Variants in DGCR2 observed in about 807,000 individuals in gnomAD.
The protein encoded by DGCR2 is DiGeorge syndrome critical region gene 2.
In DGCR2, 24 loss-of-function variants were observed where a neutral mutation model predicts 51.6. The observed-to-expected ratio is 0.47, with a 90% CI of 0.34 to 0.65. The LOEUF (loss-of-function observed/expected upper bound fraction) is 0.65, where lower values mean the gene tolerates loss of function less well. DGCR2 is among the 30% of genes least tolerant of loss of function. DGCR2 has a pLI of 0.01. For synonymous variants in DGCR2, 340 were observed against 315.4 expected (o/e 1.08, Z -0.82); for missense variants, 765 against 772.1 (o/e 0.99, Z 0.11).
At chr22:19,063,309 T>G in intron 4 of DGCR2, 31 bp from the exon 5 acceptor site, 1 of 1,600,830 alleles carries the variant, frequency 6.2e-7, no homozygotes, top group Non-Finnish European at 8.6e-7. Flanking sequence ...GACAGAGATC[T>G]CAGCGGCAGG....
chr22:19,063,566 G>C (rs908546847), intron 4 of DGCR2, among the ~76,000 whole-genome samples: 1 of 150,370 alleles, frequency 6.7e-6, no homozygotes, highest in Non-Finnish European at 1.5e-5. Context: ...GGCCAGGATG[G>C]TCTCGATCTC....
chr22:19,066,340 T>G (rs1256758267), intron 3 of DGCR2, among the ~76,000 whole-genome samples: 1 of 151,828 alleles, frequency 6.6e-6, no homozygotes, highest in Admixed American at 6.6e-5. Context: ...AGGCAGAGAC[T>G]GCCTGCAGTG....
intron 2 of DGCR2, among the ~76,000 whole-genome samples, chr22:19,083,541 G>A (rs2082965367): frequency 6.6e-6 from 1 of 152,036 alleles, no homozygotes; most frequent in South Asian, 2.1e-4. Context: ...TAAAAGATTC[G>A]GTCTTCCTAG....
intron 1 of DGCR2, chr22:19,121,712 AC>A (rs2083434630): frequency 6.4e-6 from 1 of 155,672 alleles, no homozygotes; most frequent in Non-Finnish European, 1.4e-5. Context: ...GACAGCCACA[AC>A]CACCGCTGTC....
At position 19,057,928 on chromosome 22, in the gene DGCR2, G is replaced by A. The variant is rs901500895; in HGVS notation, c.626-766C>T. Among the ~76,000 whole-genome samples, 6 of 151,944 alleles carry A rather than the reference G, an allele frequency of 3.9e-5. No homozygotes were observed. Among genetic ancestry groups the A allele is most frequent in the East Asian group, 3.9e-4 (2 of 5,146 alleles). ...CTAGGCCCCACTCTCTCCCCTGCAC[G>A]GCCCTTCCAGTCTGGGCTGCCAAGA... On this transcript the variant is annotated intron_variant, in intron 5 of 9. Coordinates refer to ENST00000263196, the MANE Select transcript of DGCR2 (RefSeq NM_005137.3). This position sits in a 1 kb window ranked among gnomAD's most constrained non-coding sequence, Gnocchi z 5.1.
At chr22:19,067,277 G>A (rs1319709570) in intron 3 of DGCR2, among the ~76,000 whole-genome samples, 1 of 152,156 alleles carries the variant, frequency 6.6e-6, no homozygotes, top group Non-Finnish European at 1.5e-5. Context: ...CGCCTGAGAG[G>A]GTCTGCTCAG....
chr22:19,055,390 T>C (rs1333486473), intron 6 of DGCR2, among the ~76,000 whole-genome samples: 1 of 152,192 alleles, frequency 6.6e-6, no homozygotes, highest in Non-Finnish European at 1.5e-5. Flanking sequence ...TCTAAAATCC[T>C]ATAGAAGGCA....
intron 7 of DGCR2, chr22:19,045,337 C>T (rs1569037878): frequency 6.6e-6 from 1 of 151,642 alleles, no homozygotes; most frequent in African/African-American, 2.4e-5. Context: ...ACTCTTTTCC[C>T]GTTCTCACGA....
chr22:19,086,033 T>C (rs1454174114), intron 2 of DGCR2, among the ~76,000 whole-genome samples: 1 of 152,208 alleles, frequency 6.6e-6, no homozygotes, highest in East Asian at 1.9e-4. Context: ...ATCTATGATT[T>C]TTTAAAAATT....
intron 2 of DGCR2, among the ~76,000 whole-genome samples, chr22:19,074,229 A>G (rs893352045): frequency 6.6e-6 from 1 of 152,116 alleles, no homozygotes; most frequent in African/African-American, 2.4e-5. Context: ...GTTCGAGACT[A>G]GCCTGGCCAA....
intron 6 of DGCR2, among the ~76,000 whole-genome samples, chr22:19,053,700 A>G (rs2082572547): frequency 1.3e-5 from 2 of 152,234 alleles, no homozygotes; most frequent in Non-Finnish European, 2.9e-5. Context: ...TCCAGAGACA[A>G]AACAATCAAA....
Position 19,041,049 on chromosome 22 carries a change from G to A in DGCR2, c.1396+9C>T. ...ACAAGGTGTTCCCTCTCCCTGGGGA[G>A]TCAGGCACCTGCAGGGTCATAGAAC... On this transcript the variant is annotated intron_variant, in intron 9 of 9. Coordinates refer to ENST00000263196, the MANE Select transcript of DGCR2 (RefSeq NM_005137.3). The A allele has an allele frequency of 1.3e-6, 2 of 1,573,900 alleles. No individual in the cohort carries two copies. The highest frequency in any genetic ancestry group is 1.2e-5 in the South Asian group (1 of 85,528).
intron 6 of DGCR2, chr22:19,056,496 C>CCA: frequency 1.9e-6 from 1 of 519,840 alleles, no homozygotes; most frequent in Non-Finnish European, 3.5e-6. Flanking sequence ...GGGACCTGCC[C>CCA]CACCAAGAGC....
intron 2 of DGCR2, among the ~76,000 whole-genome samples, chr22:19,079,079 G>A (rs765542671): frequency 5.9e-5 from 9 of 152,030 alleles, no homozygotes; most frequent in East Asian, 1.9e-4. Flanking sequence ...GAATGTGTCC[G>A]CTTCATTTAG....
At chr22:19,056,259 G>A (rs551223830) in intron 6 of DGCR2, 1 of 166,562 alleles carries the variant, frequency 6.0e-6, no homozygotes, top group African/African-American at 2.4e-5. Flanking sequence ...AGCTTGCAGT[G>A]AGCCGAGATC....
rs370906667 is a variant in DGCR2 at position 19,122,283 on chromosome 22, G to A, written c.-77C>T. On this transcript the variant is annotated 5_prime_UTR_variant, in exon 1 of 10. Coordinates refer to ENST00000263196, the MANE Select transcript of DGCR2 (RefSeq NM_005137.3). Reference sequence around the variant, plus strand: ...ACTGAGGGTCAGGGGACCGTGCCAAGCGGAGGGTCAGGCGGAGCTGAACCT... The same window carrying A: ...ACTGAGGGTCAGGGGACCGTGCCAAACGGAGGGTCAGGCGGAGCTGAACCT... 6.3e-6 allele frequency: 8 copies of A among 1,269,434 alleles called. No homozygotes were observed. The highest frequency in any genetic ancestry group is 6.1e-5 in the South Asian group (4 of 65,694). 78.6% of individuals were successfully genotyped at this position (1,269,434 alleles called of 1,614,324 possible).
chr22:19,055,043 G>C (rs1427436322), intron 6 of DGCR2, among the ~76,000 whole-genome samples: 1 of 152,202 alleles, frequency 6.6e-6, no homozygotes, highest in Non-Finnish European at 1.5e-5. Context: ...CTGAACCCGG[G>C]AGGCAGAGGT....
intron 1 of DGCR2, among the ~76,000 whole-genome samples, chr22:19,090,499 A>G (rs893776291): frequency 6.6e-6 from 1 of 152,264 alleles, no homozygotes; most frequent in African/African-American, 2.4e-5. Context: ...GATACAGCCT[A>G]GAAGACAGTG....
intron 1 of DGCR2, among the ~76,000 whole-genome samples, chr22:19,119,442 T>C (rs1264656711): frequency 6.6e-6 from 1 of 151,958 alleles, no homozygotes; most frequent in Non-Finnish European, 1.5e-5. Flanking sequence ...AAATGTGCAC[T>C]TAAAAAAAAA....
Sources: allele counts gnomAD v4.1 joint callset (sites outside exome capture counted in the v4.1 genomes callset), GRCh38; gene constraint gnomAD v4.1.1; non-coding constraint Gnocchi (gnomAD v3.1); transcripts MANE v1.5; gene names NCBI Gene and HGNC (gene_info 2026-07-23, HGNC 2026-07-21).